The following CNTN5 variants were observed in gnomAD, a reference collection of about 807,000 sequenced individuals.
The protein encoded by CNTN5 is contactin-5.
In CNTN5, 77 loss-of-function variants were observed where a neutral mutation model predicts 129.1. The observed-to-expected ratio is 0.60, with a 90% confidence interval of 0.50 to 0.72. CNTN5 has a LOEUF of 0.72. Among genes scored for constraint, CNTN5 ranks in the 30% least tolerant of loss-of-function variants. The probability of loss-of-function intolerance (pLI) is 0.00; values close to 1 mark genes in which losing one functional copy is unlikely to be tolerated. For missense variants in CNTN5, 1,478 were observed against 1,328.8 expected (o/e 1.11, Z -1.75); for synonymous variants, 509 against 465.6 (o/e 1.09, Z -1.20).
rs1296093984 is a variant in CNTN5, at chr11:99,280,940, AG to A, written c.-209-44404del. Among the ~76,000 whole-genome samples, 42 of 151,536 alleles carry A rather than the reference AG, an allele frequency of 2.8e-4. 1 individual carries two copies. The highest frequency in any genetic ancestry group is 1.7e-3 in the East Asian group (9 of 5,150). On this transcript the variant is annotated intron_variant, in intron 1 of 24. Transcript: ENST00000524871. ...TATATATAACAACATCAAGGAATCA[AG>A]GAAATAAAAAGAGACTTGCAGATTA... is the stretch of plus-strand genomic sequence containing the variant.
intron 7 of CNTN5, among the ~76,000 whole-genome samples, chr11:99,917,235 GTTGAGTTGTACCA>G (rs1949815644): frequency 6.6e-6 from 1 of 151,988 alleles, no homozygotes; most frequent in Non-Finnish European, 1.5e-5. Flanking sequence ...CCCTCCAATT[GTTGAGTTGTACCA>G]CTCCAATTCC....
At chr11:100,058,606 C>G (rs75744856) in intron 9 of CNTN5, among the ~76,000 whole-genome samples, 1 of 151,948 alleles carries the variant, frequency 6.6e-6, no homozygotes, top group South Asian at 2.1e-4. Flanking sequence ...CCTACACCAA[C>G]AAGCAAAAAT....
At chr11:99,655,993 T>G (rs538852118) in intron 3 of CNTN5, among the ~76,000 whole-genome samples, 1 of 152,172 alleles carries the variant, frequency 6.6e-6, no homozygotes, top group African/African-American at 2.4e-5. Flanking sequence ...TGTATATATA[T>G]GTGTTTCTGT....
At chr11:99,030,009 A>G (rs566308851) in intron 1 of CNTN5, among the ~76,000 whole-genome samples, 6 of 152,306 alleles carry the variant, frequency 3.9e-5, no homozygotes, top group Non-Finnish European at 8.8e-5. Flanking sequence ...TGCATCTAGA[A>G]TGAACTCCAC....
intron 1 of CNTN5, among the ~76,000 whole-genome samples, chr11:99,300,875 C>T (rs753777918): frequency 4.9e-4 from 74 of 151,768 alleles, no homozygotes; most frequent in Non-Finnish European, 8.5e-4. Flanking sequence ...ATCTTCCTGT[C>T]TATTCAAAAA....
intron 1 of CNTN5, among the ~76,000 whole-genome samples, chr11:99,080,657 G>T (rs1343213310): frequency 6.6e-6 from 1 of 152,172 alleles, no homozygotes; most frequent in African/African-American, 2.4e-5. Context: ...TTGGGAATGG[G>T]ATTAATATAA....
chr11:100,281,986 T>C (rs1382161474), intron 18 of CNTN5, among the ~76,000 whole-genome samples: 2 of 141,184 alleles, frequency 1.4e-5, no homozygotes, highest in Non-Finnish European at 3.0e-5. Flanking sequence ...GAATTCTTTC[T>C]TGGCATTCTA....
At chr11:99,809,907 C>G (rs1946380120) in intron 3 of CNTN5, among the ~76,000 whole-genome samples, 3 of 151,828 alleles carry the variant, frequency 2.0e-5, no homozygotes, top group African/African-American at 7.3e-5. Flanking sequence ...TTTAATTATC[C>G]AAAACAAGAG....
At chr11:99,086,606 A>G (rs1366885317) in intron 1 of CNTN5, among the ~76,000 whole-genome samples, 1 of 152,200 alleles carries the variant, frequency 6.6e-6, no homozygotes, top group Admixed American at 6.5e-5. Flanking sequence ...TTGTTTTCTC[A>G]TCAACATTAT....
chr11:99,982,323 G>A (rs1425814542), intron 8 of CNTN5, among the ~76,000 whole-genome samples: 2 of 152,116 alleles, frequency 1.3e-5, no homozygotes, highest in African/African-American at 4.8e-5. Flanking sequence ...AACCACTGAT[G>A]TTACAAGAAA....
chr11:99,478,695 G>A (rs1945476461), intron 2 of CNTN5, among the ~76,000 whole-genome samples: 1 of 151,962 alleles, frequency 6.6e-6, no homozygotes. Context: ...TAAAATGCAT[G>A]GTGAAGGTAG....
chr11:99,125,857 C>A (rs1394966082), intron 1 of CNTN5, among the ~76,000 whole-genome samples: 1 of 151,950 alleles, frequency 6.6e-6, no homozygotes, highest in Non-Finnish European at 1.5e-5. Flanking sequence ...CTCAAATGAT[C>A]CAAGGTACAA....
At chr11:99,202,742 T>C (rs898525292) in intron 1 of CNTN5, among the ~76,000 whole-genome samples, 3 of 151,264 alleles carry the variant, frequency 2.0e-5, no homozygotes, top group Non-Finnish European at 4.4e-5. Flanking sequence ...CTGTAAACAT[T>C]GTGGTATGTT....
intron 8 of CNTN5, among the ~76,000 whole-genome samples, chr11:99,982,702 G>A (rs757203003): frequency 1.3e-5 from 2 of 151,928 alleles, no homozygotes; most frequent in South Asian, 2.1e-4. Flanking sequence ...GTGCAGTGGG[G>A]CGATCTTGGC....
At chr11:100,339,541 T>TA (rs1177133782) in intron 21 of CNTN5, among the ~76,000 whole-genome samples, 3 of 152,158 alleles carry the variant, frequency 2.0e-5, no homozygotes, top group African/African-American at 7.2e-5. Context: ...AAAAAGGCAT[T>TA]ATTCAGAAAG....
At chr11:99,821,525 T>C (rs567217088) in intron 4 of CNTN5, among the ~76,000 whole-genome samples, 1 of 152,148 alleles carries the variant, frequency 6.6e-6, no homozygotes, top group Non-Finnish European at 1.5e-5. Context: ...TTAGACAATT[T>C]TTTTTTTCTG....
At chr11:99,912,383 C>T (rs181487418) in intron 6 of CNTN5, among the ~76,000 whole-genome samples, 1 of 151,950 alleles carries the variant, frequency 6.6e-6, no homozygotes, top group East Asian at 1.9e-4. Flanking sequence ...ATTTGGTGAC[C>T]CAGACTCCTG....
intron 1 of CNTN5, among the ~76,000 whole-genome samples, chr11:99,026,761 A>G (rs183107153): frequency 4.6e-5 from 7 of 151,764 alleles, no homozygotes; most frequent in Admixed American, 2.6e-4. Flanking sequence ...AAGTAATGCA[A>G]AAGATGGAAT....
intron 17 of CNTN5, among the ~76,000 whole-genome samples, chr11:100,269,634 G>A (rs1012169286): frequency 6.6e-6 from 1 of 152,116 alleles, no homozygotes; most frequent in Non-Finnish European, 1.5e-5. Context: ...AGGAGATTAA[G>A]TATATAGGGG....
Sources: allele counts gnomAD v4.1 joint callset (sites outside exome capture counted in the v4.1 genomes callset), GRCh38; gene constraint gnomAD v4.1.1; transcripts MANE v1.5; gene names NCBI Gene and HGNC (gene_info 2026-07-23, HGNC 2026-07-21).